The following DLC1 variants were observed in gnomAD, a reference collection of about 807,000 sequenced individuals.
DLC1 encodes DLC1 Rho GTPase activating protein.
A neutral mutation model predicts 140.3 loss-of-function variants in DLC1; 54 were observed. The ratio of observed to expected loss-of-function variants is 0.38; its 90% confidence interval spans 0.31 to 0.48. DLC1 has a LOEUF of 0.48. DLC1 is among the 20% of genes least tolerant of loss of function. DLC1 has a pLI of 0.96. For synonymous variants in DLC1, 986 were observed against 728.1 expected (o/e 1.35, Z -5.70); for missense variants, 2,536 against 1,907.0 (o/e 1.33, Z -6.14).
intron 2 of DLC1, among the ~76,000 whole-genome samples, chr8:13,463,072 T>TA (rs1238543464): frequency 8.1e-6 from 1 of 123,310 alleles, no homozygotes; most frequent in Non-Finnish European, 1.8e-5. Context: ...TACATAGTCT[T>TA]AAAAAACAAA....
intron 7 of DLC1, among the ~76,000 whole-genome samples, chr8:13,106,923 G>T (rs751857184): frequency 6.6e-6 from 1 of 152,176 alleles, no homozygotes; most frequent in Non-Finnish European, 1.5e-5. Flanking sequence ...TTTCACAAGA[G>T]GTATCCTCGT....
At chr8:13,095,420 CT>C (rs1288126678) in intron 10 of DLC1, 175 bp from the exon 11 acceptor site, 4 of 712,744 alleles carry the variant, frequency 5.6e-6, no homozygotes, top group Admixed American at 5.6e-5. Context: ...ACTGGCCACA[CT>C]TCAGGTGCTC....
intron 4 of DLC1, among the ~76,000 whole-genome samples, chr8:13,377,695 A>G (rs1319239104): frequency 6.6e-6 from 1 of 152,122 alleles, no homozygotes; most frequent in East Asian, 1.9e-4. Flanking sequence ...ATTACAAGTC[A>G]TGAAACGTCT....
intron 5 of DLC1, among the ~76,000 whole-genome samples, chr8:13,198,677 G>A (rs989462410): frequency 2.7e-5 from 4 of 149,660 alleles, no homozygotes; most frequent in African/African-American, 7.4e-5. Context: ...ACAACTTCTC[G>A]TTAACCCTCA....
intron 4 of DLC1, chr8:13,341,350 A>G (rs1037041726): frequency 6.6e-6 from 1 of 152,164 alleles, no homozygotes; most frequent in Non-Finnish European, 1.5e-5. Context: ...TTGGGAACGG[A>G]CATGTGCTAT....
chr8:13,209,396 G>A (rs561028739), intron 5 of DLC1, among the ~76,000 whole-genome samples: 2 of 152,174 alleles, frequency 1.3e-5, no homozygotes, highest in South Asian at 2.1e-4. Context: ...GATGAGATAC[G>A]GACATAGGAA....
intron 5 of DLC1, among the ~76,000 whole-genome samples, chr8:13,248,635 G>A (rs1320330505): frequency 1.3e-5 from 2 of 152,150 alleles, no homozygotes; most frequent in Admixed American, 6.5e-5. Context: ...CACCATCACT[G>A]AGCAGCAGTC....
intron 5 of DLC1, among the ~76,000 whole-genome samples, chr8:13,230,633 G>T (rs1043912654): frequency 3.0e-5 from 4 of 133,448 alleles, no homozygotes; most frequent in Non-Finnish European, 4.6e-5. Context: ...GTCTCACTCT[G>T]TAGCCCAGGC....
At chr8:13,351,168 CAT>C (rs1406476675) in intron 4 of DLC1, among the ~76,000 whole-genome samples, 11 of 152,174 alleles carry the variant, frequency 7.2e-5, no homozygotes, top group African/African-American at 9.7e-5. Context: ...ATTCAGCAAA[CAT>C]GTGTATAGTA....
At chr8:13,586,054 T>G (rs7819627) in intron 1 of DLC1, among the ~76,000 whole-genome samples, 21,631 of 152,142 alleles carry the variant, frequency 0.14, 1,891 homozygotes, top group African/African-American at 0.24. Context: ...GGCTGCACAT[T>G]ATAATTATCT....
At chr8:13,223,351 G>A (rs1468759635) in intron 5 of DLC1, among the ~76,000 whole-genome samples, 1 of 152,108 alleles carries the variant, frequency 6.6e-6, no homozygotes, top group African/African-American at 2.4e-5. Context: ...TAATCTAGCT[G>A]TACTTTTCTT....
chr8:13,365,536 C>A (rs1007997786), intron 4 of DLC1, among the ~76,000 whole-genome samples: 11 of 152,184 alleles, frequency 7.2e-5, no homozygotes, highest in African/African-American at 2.6e-4. Flanking sequence ...GGGACAAATG[C>A]CAGATGCATG....
At chr8:13,393,069 GTCTA>G (rs745797374) in intron 4 of DLC1, among the ~76,000 whole-genome samples, 12 of 151,922 alleles carry the variant, frequency 7.9e-5, no homozygotes, top group East Asian at 3.9e-4. Context: ...ATTATTATCT[GTCTA>G]TCCATCCATC....
intron 12 of DLC1, among the ~76,000 whole-genome samples, chr8:13,093,531 G>A (rs1405870826): frequency 6.6e-6 from 1 of 152,118 alleles, no homozygotes; most frequent in Non-Finnish European, 1.5e-5. Flanking sequence ...CAATCTACAG[G>A]TAGAAAATGC....
At position 13,523,027 on chromosome 8, in the gene DLC1, A is replaced by G. The variant is rs144883865; in HGVS notation, c.-125-22831T>C. 1.5e-3 allele frequency among the ~76,000 whole-genome samples: 229 copies of G among 152,316 alleles called. 1 individual carries two copies. The highest frequency in any genetic ancestry group is 5.3e-3 in the African/African-American group (219 of 41,574). Reference sequence around the variant, plus strand: ...GAATATCTCAAGTTGTTAAGGAAAGAAGGTTAGGTAGTGTCTTGTAAGTAA... The same window carrying G: ...GAATATCTCAAGTTGTTAAGGAAAGGAGGTTAGGTAGTGTCTTGTAAGTAA... On this transcript the variant is annotated intron_variant, in intron 1 of 1. Transcript: ENST00000631382.
chr8:13,124,205 C>CTT (rs1821362227), intron 5 of DLC1, among the ~76,000 whole-genome samples: 1 of 152,154 alleles, frequency 6.6e-6, no homozygotes. Context: ...ATAGGAAAGA[C>CTT]ATGTGTGACA....
intron 5 of DLC1, among the ~76,000 whole-genome samples, chr8:13,200,284 G>A (rs1328226282): frequency 5.3e-5 from 8 of 151,426 alleles, no homozygotes; most frequent in Non-Finnish European, 7.4e-5. Context: ...GGCTTGTCTC[G>A]AACTCCTGAC....
intron 2 of DLC1, among the ~76,000 whole-genome samples, chr8:13,408,307 C>A (rs958440995): frequency 6.6e-6 from 1 of 152,170 alleles, no homozygotes; most frequent in Admixed American, 6.5e-5. Context: ...AACAAGCAAT[C>A]TTTTAACTGA....
chr8:13,321,930 A>G (rs982299489), intron 4 of DLC1, among the ~76,000 whole-genome samples: 11 of 151,618 alleles, frequency 7.3e-5, no homozygotes, highest in Admixed American at 3.3e-4. Context: ...TCCTGCAAAT[A>G]TTTTTTTTAG....
Sources: gnomAD v4.1 joint callset for allele counts (sites outside exome capture counted in the v4.1 genomes callset) on GRCh38, gnomAD v4.1.1 for gene constraint, MANE v1.5 for transcripts, NCBI Gene and HGNC (gene_info 2026-07-23, HGNC 2026-07-21) for gene names.